PIEZO2: variants seen among roughly 807,000 people sequenced by gnomAD.
PIEZO2 encodes the protein piezo-type mechanosensitive ion channel component 2.
PIEZO2 carries 172 observed loss-of-function variants against 337.3 expected under a neutral mutation model. The ratio of observed to expected loss-of-function variants is 0.51; its 90% CI spans 0.45 to 0.58. The LOEUF is 0.58. PIEZO2 is among the 20% of genes least tolerant of loss of function. The pLI, the probability that PIEZO2 is intolerant of heterozygous loss-of-function variation, is 0.00. For missense variants in PIEZO2, 3,028 were observed against 3,391.3 expected (o/e 0.89, Z 2.66); for synonymous variants, 1,251 against 1,228.5 (o/e 1.02, Z -0.38).
rs546136782 is a variant in PIEZO2, at chr18:11,112,712, C to T, written c.64+35813G>A. ...CTTTCTGAAAATAATGCAAGTGACA[C>T]CTGGTGTTCTACTGTCTATTGAGAA... On this transcript the variant is annotated intron_variant, in intron 1 of 55. Transcript: ENST00000674853. The surrounding 1 kb of genome is among the most constrained non-coding windows in gnomAD (Gnocchi z 4.3). 6.6e-6 allele frequency among the ~76,000 whole-genome samples: 1 copy of T among 152,270 alleles called. No homozygotes were observed. The highest frequency in any genetic ancestry group is 1.5e-5 in the Non-Finnish European group (1 of 68,028).
intron 2 of PIEZO2, among the ~76,000 whole-genome samples, chr18:11,026,980 T>C (rs1371990035): frequency 6.6e-6 from 1 of 152,120 alleles, no homozygotes; most frequent in Non-Finnish European, 1.5e-5. Context: ...GGAGCGCTCG[T>C]CTCCAAGCTC....
intron 7 of PIEZO2, among the ~76,000 whole-genome samples, chr18:10,841,677 C>T (rs2041197165): frequency 6.6e-6 from 1 of 152,112 alleles, no homozygotes; most frequent in Non-Finnish European, 1.5e-5. Context: ...TCTAGAAATG[C>T]TAATGGGACT....
Position 10,828,886 on chromosome 18 carries a change from A to T in PIEZO2, c.918-21612T>A, listed in dbSNP as rs57020475. ...GTATGCTGAGATTAACAACAGAGAC[A>T]GTTGAGCTTTGCTGCTGGTTCATGC... On this transcript the variant is annotated intron_variant, in intron 7 of 55. Transcript: ENST00000674853. This position sits in a 1 kb window ranked among gnomAD's most constrained non-coding sequence, Gnocchi z 4.1. Among the ~76,000 whole-genome samples, 302 of 152,314 alleles carry T rather than the reference A, an allele frequency of 2.0e-3. 1 individual carries two copies. Among genetic ancestry groups the T allele is most frequent in the African/African-American group, 6.9e-3 (285 of 41,570 alleles).
At chr18:11,091,528 A>C (rs1454612299) in intron 1 of PIEZO2, among the ~76,000 whole-genome samples, 2 of 152,218 alleles carry the variant, frequency 1.3e-5, no homozygotes, top group East Asian at 3.9e-4. Context: ...CATTGAAAAA[A>C]TTATTTTTAG....
intron 2 of PIEZO2, among the ~76,000 whole-genome samples, chr18:11,054,923 G>A (rs183219013): frequency 1.7e-3 from 255 of 152,198 alleles, no homozygotes; most frequent in Non-Finnish European, 3.0e-3. Context: ...GCATTTCACC[G>A]AGGGGCAGCC....
intron 1 of PIEZO2, among the ~76,000 whole-genome samples, chr18:11,091,277 A>G (rs2039079080): frequency 6.6e-6 from 1 of 151,552 alleles, no homozygotes; most frequent in South Asian, 2.1e-4. Flanking sequence ...CCAGCTACTC[A>G]AGAGGCTGAG....
rs1002830037 is a variant in PIEZO2, at chr18:11,083,492, G to C, written c.65-17270C>G. ...GGCTGTGGCTTGGGGAAATGGAGGG[G>C]AACTAGAGAGAGGAGAAGCCTGTAC... is the stretch of plus-strand genomic sequence containing the variant. On this transcript the variant is annotated intron_variant, in intron 1 of 55. Transcript: ENST00000674853. This position sits in a 1 kb window ranked among gnomAD's most constrained non-coding sequence, Gnocchi z 4.4. 1.2e-4 allele frequency among the ~76,000 whole-genome samples: 18 copies of C among 152,174 alleles called. No individual in the cohort carries two copies. Among genetic ancestry groups the C allele is most frequent in the Non-Finnish European group, 2.6e-4 (18 of 68,022 alleles).
chr18:10,784,919 T>G lies in PIEZO2; in HGVS notation c.2357A>C (p.Glu786Ala). 1 of 1,537,160 alleles carries G rather than the reference T, an allele frequency of 6.5e-7. No homozygotes were observed. Among genetic ancestry groups the G allele is most frequent in the South Asian group, 1.2e-5 (1 of 84,044 alleles). The change falls in exon 17 of 56, where the codon GAA (glutamate) becomes GCA (alanine). Residue 786 changes from glutamate (E) to alanine (A), a missense_variant. Coordinates refer to ENST00000674853, the MANE Select transcript of PIEZO2 (RefSeq NM_001378183.1). This position sits in a 1 kb window ranked among gnomAD's most constrained non-coding sequence, Gnocchi z 4.5. Reference protein sequence around the residue: ...DLGLKQFTVAELFTRIFIPTS... With the variant: ...DLGLKQFTVAALFTRIFIPTS... ...TGGGATGAATATGCGAGTGAATAGT[T>G]CAGCCACAGTAAACTGCTTTAAGCC...
chr18:10,780,451 C>A, intron 17 of PIEZO2, 85 bp from the exon 18 acceptor site: 1 of 697,098 alleles, frequency 1.4e-6, no homozygotes, highest in South Asian at 1.5e-5. Flanking sequence ...CAGAGACGAA[C>A]AAAGTGGACT....
intron 2 of PIEZO2, among the ~76,000 whole-genome samples, chr18:11,060,722 C>G (rs959481088): frequency 2.0e-5 from 3 of 152,176 alleles, no homozygotes; most frequent in African/African-American, 7.2e-5. Flanking sequence ...AGCTGAATCT[C>G]TGAATAGACC....
Position 10,682,310 on chromosome 18 carries a change from G to T in PIEZO2, c.7498-18C>A. The T allele has an allele frequency of 6.5e-7, 1 of 1,527,860 alleles. No homozygotes were observed. Among genetic ancestry groups the T allele is most frequent in the Non-Finnish European group, 8.8e-7 (1 of 1,141,704 alleles). 94.6% of individuals were successfully genotyped at this position (1,527,860 alleles called of 1,614,324 possible). On this transcript the variant is annotated intron_variant, in intron 49 of 55. Coordinates refer to ENST00000674853, the MANE Select transcript of PIEZO2 (RefSeq NM_001378183.1). The surrounding 1 kb of genome is among the most constrained non-coding windows in gnomAD (Gnocchi z 5.6). Reference sequence around the variant, plus strand: ...GGGTATCTCTGCAACAGAGAGTTCAGACAAGGCTCAGGCTCAGGCTCAGGT... The same window carrying T: ...GGGTATCTCTGCAACAGAGAGTTCATACAAGGCTCAGGCTCAGGCTCAGGT...
intron 2 of PIEZO2, among the ~76,000 whole-genome samples, chr18:11,034,716 G>A (rs2036863054): frequency 6.6e-6 from 1 of 152,148 alleles, no homozygotes; most frequent in Admixed American, 6.5e-5. Context: ...GCTGGGTGCT[G>A]TGGCTGTAGT....
chr18:10,973,433 G>GT lies in PIEZO2; in HGVS notation c.286+6101dup, dbSNP rs1215210718. 1.3e-5 allele frequency among the ~76,000 whole-genome samples: 2 copies of GT among 152,200 alleles called. No individual in the cohort carries two copies. The highest frequency in any genetic ancestry group is 2.4e-5 in the African/African-American group (1 of 41,460). On this transcript the variant is annotated intron_variant, in intron 3 of 55. Transcript: ENST00000674853. The surrounding 1 kb of genome is among the most constrained non-coding windows in gnomAD (Gnocchi z 4.9). ...TCCATCTAGGTCGGCATATGTCTCC[G>GT]TGAGGCAGTGCCTCAATCACCAGGG...
chr18:10,672,584 G>C lies in PIEZO2; in HGVS notation c.8345+106C>G. The stretch of plus-strand genomic sequence containing the variant: ...AGGATGTGTGCATTTTAATACTGCA[G>C]CTCTAAAATTAGCGAATTCTAAGAA... On this transcript the variant is annotated intron_variant, in intron 55 of 55. Transcript: ENST00000674853. The surrounding 1 kb of genome is among the most constrained non-coding windows in gnomAD (Gnocchi z 4.7). 8.1e-7 allele frequency: 1 copy of C among 1,228,040 alleles called. No homozygotes were observed. The highest frequency in any genetic ancestry group is 1.2e-6 in the Non-Finnish European group (1 of 869,108). The allele number at this position is 1,228,040 out of a possible 1,614,324, so 76.1% of individuals were successfully genotyped here.
At chr18:10,678,680 G>A (rs778604538) in intron 52 of PIEZO2, among the ~76,000 whole-genome samples, 10 of 152,150 alleles carry the variant, frequency 6.6e-5, no homozygotes, top group Non-Finnish European at 1.3e-4. Flanking sequence ...TAAACTGTTG[G>A]GCTTTGGATG....
rs549909823 is a variant in PIEZO2, at chr18:11,032,311, GC to G, written c.160+33815del. ...TATCTTAACTGGGTCAGAGATTTCT[GC>G]AAAGGAGTAAGTGACATTTACACCA... On this transcript the variant is annotated intron_variant, in intron 2 of 55. Transcript: ENST00000674853. The surrounding 1 kb of genome is among the most constrained non-coding windows in gnomAD (Gnocchi z 4.9). 5.9e-4 allele frequency among the ~76,000 whole-genome samples: 90 copies of G among 152,294 alleles called. No individual in the cohort carries two copies. Among genetic ancestry groups the G allele is most frequent in the African/African-American group, 2.1e-3 (87 of 41,562 alleles).
At chr18:11,073,064 A>C (rs11080480) in intron 1 of PIEZO2, among the ~76,000 whole-genome samples, 78,733 of 152,116 alleles carry the variant, frequency 0.52, 22,347 homozygotes, top group East Asian at 0.97. Flanking sequence ...TACATATATT[A>C]AGGAAGATTT....
At chr18:10,787,730 T>C (rs1568057607) in intron 15 of PIEZO2, among the ~76,000 whole-genome samples, 1 of 152,264 alleles carries the variant, frequency 6.6e-6, no homozygotes, top group South Asian at 2.1e-4. Flanking sequence ...TGAGATTTTT[T>C]TATCTTAACA....
intron 7 of PIEZO2, among the ~76,000 whole-genome samples, chr18:10,832,222 C>T (rs2040864629): frequency 6.6e-6 from 1 of 152,046 alleles, no homozygotes; most frequent in South Asian, 2.1e-4. Context: ...GCCTGGGTGA[C>T]AGAGTGAGAC....
Sources: gnomAD v4.1 joint callset for allele counts (sites outside exome capture counted in the v4.1 genomes callset) on GRCh38, gnomAD v4.1.1 for gene constraint, Gnocchi (gnomAD v3.1) non-coding constraint, MANE v1.5 for transcripts, NCBI Gene and HGNC (gene_info 2026-07-23, HGNC 2026-07-21) for gene names.